COLEC11: variants seen among roughly 807,000 people sequenced by gnomAD.
The protein encoded by COLEC11 is collectin-11.
Under a neutral mutation model 27.3 loss-of-function variants are expected in COLEC11, and 20 were observed. That is an observed-to-expected ratio of 0.73 (90% confidence interval 0.51 to 1.06). The LOEUF is 1.06. Ranked by LOEUF, COLEC11 falls within the 50% of genes least tolerant of loss-of-function variation. The pLI is 0.00. For synonymous variants in COLEC11, 163 were observed against 154.7 expected (o/e 1.05, Z -0.40); for missense variants, 310 against 383.0 (o/e 0.81, Z 1.59).
intron 3 of COLEC11, among the ~76,000 whole-genome samples, chr2:3,615,908 A>C (rs1239272957): frequency 2.4e-5 from 3 of 123,016 alleles, no homozygotes; most frequent in Non-Finnish European, 5.1e-5. Flanking sequence ...GCTGCCCCCC[A>C]CCTCCCTCCC....
intron 3 of COLEC11, chr2:3,617,494 A>G: frequency 7.0e-7 from 1 of 1,424,612 alleles, no homozygotes; most frequent in Non-Finnish European, 9.9e-7. Context: ...AAGAAGTAAA[A>G]TAAGAAGGCA....
chr2:3,631,910 C>T (rs903524063), intron 3 of COLEC11, among the ~76,000 whole-genome samples: 1 of 152,186 alleles, frequency 6.6e-6, no homozygotes, highest in African/African-American at 2.4e-5. Context: ...GCAGGCTTCC[C>T]GCAGTTCCTG....
intron 5 of COLEC11, among the ~76,000 whole-genome samples, chr2:3,642,730 C>T (rs1425886131): frequency 6.6e-6 from 1 of 152,188 alleles, no homozygotes; most frequent in African/African-American, 2.4e-5. Flanking sequence ...GTCTGAGGGC[C>T]GCTCCAGCCA....
intron 3 of COLEC11, among the ~76,000 whole-genome samples, chr2:3,619,168 G>GCCTC (rs1663998759): frequency 6.9e-6 from 1 of 145,588 alleles, no homozygotes; most frequent in African/African-American, 2.7e-5. Flanking sequence ...CTTCTTTCCC[G>GCCTC]CCTCCCTCCC....
chr2:3,635,846 T>TGTCCG (rs1665368585), intron 3 of COLEC11, among the ~76,000 whole-genome samples: 1 of 152,242 alleles, frequency 6.6e-6, no homozygotes, highest in South Asian at 2.1e-4. Context: ...GTGTGGCTGT[T>TGTCCG]GTCCTGGCTC....
chr2:3,618,976 T>C (rs959640950), intron 3 of COLEC11, among the ~76,000 whole-genome samples: 1 of 152,220 alleles, frequency 6.6e-6, no homozygotes, highest in African/African-American at 2.4e-5. Flanking sequence ...TCATTGTTAG[T>C]GTATAGAAAT....
At chr2:3,643,706 C>T in intron 6 of COLEC11, 21 bp from the exon 7 acceptor site, 1 of 1,613,476 alleles carries the variant, frequency 6.2e-7, no homozygotes, top group Non-Finnish European at 8.5e-7. Flanking sequence ...GCTCACTTTT[C>T]AACCCTGCCT....
chr2:3,619,607 A>G (rs1664035974), intron 3 of COLEC11, among the ~76,000 whole-genome samples: 1 of 152,148 alleles, frequency 6.6e-6, no homozygotes, highest in African/African-American at 2.4e-5. Context: ...CCAGGCATAA[A>G]TTTTGCTTGA....
chr2:3,639,918 C>G (rs1409905930), intron 4 of COLEC11, among the ~76,000 whole-genome samples: 1 of 151,176 alleles, frequency 6.6e-6, no homozygotes, highest in Admixed American at 6.6e-5. Context: ...CTGGATTTTC[C>G]TGCTGTCATG....
At chr2:3,642,192 A>AC (rs1242542761) in intron 5 of COLEC11, among the ~76,000 whole-genome samples, 1 of 152,182 alleles carries the variant, frequency 6.6e-6, no homozygotes, top group African/African-American at 2.4e-5. Flanking sequence ...CCGCCTAGCC[A>AC]CAGGGGCACA....
chr2:3,619,743 A>G (rs1572429102), intron 3 of COLEC11, among the ~76,000 whole-genome samples: 1 of 152,128 alleles, frequency 6.6e-6, no homozygotes, highest in East Asian at 1.9e-4. Flanking sequence ...CTCCTGCCTC[A>G]GCCGCCCAAG....
At chr2:3,619,659 T>G (rs1480127619) in intron 3 of COLEC11, among the ~76,000 whole-genome samples, 1 of 152,228 alleles carries the variant, frequency 6.6e-6, no homozygotes, top group Admixed American at 6.5e-5. Context: ...GGAGTCTTGC[T>G]CTGTTGCCCA....
intron 1 of COLEC11, 182 bp from the exon 2 acceptor site, chr2:3,604,133 G>C: frequency 1.5e-6 from 1 of 671,650 alleles, no homozygotes; most frequent in Non-Finnish European, 2.6e-6. Flanking sequence ...GGCTGCTGTG[G>C]AAGCTTCTCA....
At chr2:3,625,790 G>A (rs372677920) in intron 3 of COLEC11, among the ~76,000 whole-genome samples, 46 of 151,814 alleles carry the variant, frequency 3.0e-4, no homozygotes, top group African/African-American at 1.1e-3. Flanking sequence ...CCACCACCAC[G>A]CCCGGCTAAT....
intron 3 of COLEC11, among the ~76,000 whole-genome samples, chr2:3,627,281 G>C (rs1490663754): frequency 1.4e-5 from 2 of 140,802 alleles, no homozygotes; most frequent in Non-Finnish European, 3.1e-5. Context: ...ACGATGCTGT[G>C]CATGACGACA....
chr2:3,622,622 G>T (rs1053583002), intron 3 of COLEC11, among the ~76,000 whole-genome samples: 1 of 152,096 alleles, frequency 6.6e-6, no homozygotes, highest in African/African-American at 2.4e-5. Context: ...AGATTAATGG[G>T]TTATTACAGG....
chr2:3,632,619 G>T (rs1368573695), intron 3 of COLEC11, among the ~76,000 whole-genome samples: 2 of 152,242 alleles, frequency 1.3e-5, no homozygotes, highest in Admixed American at 1.3e-4. Context: ...TCACACTGGG[G>T]TTAGGGCTCC....
At chr2:3,613,713 T>C (rs762193337) in intron 3 of COLEC11, among the ~76,000 whole-genome samples, 8 of 152,330 alleles carry the variant, frequency 5.3e-5, no homozygotes, top group Non-Finnish European at 1.0e-4. Context: ...AGTGTCGTTA[T>C]GAAGGCGGCG....
intron 3 of COLEC11, among the ~76,000 whole-genome samples, chr2:3,631,734 ACTCTGCTCGGAGGGGG>A (rs986804280): frequency 1.3e-5 from 2 of 149,824 alleles, no homozygotes; most frequent in Non-Finnish European, 3.0e-5. Context: ...CTCGGAGGGG[ACTCTGCTCGGAGGGGG>A]CTCTGCTCGG....
Sources: gnomAD v4.1 joint callset for allele counts (sites outside exome capture counted in the v4.1 genomes callset) on GRCh38, gnomAD v4.1.1 for gene constraint, MANE v1.5 for transcripts, NCBI Gene and HGNC (gene_info 2026-07-23, HGNC 2026-07-21) for gene names.